Variants in DTNB observed in about 807,000 individuals in gnomAD.
The protein encoded by DTNB is DTN-B.
A neutral mutation model predicts 90.7 loss-of-function variants in DTNB; 63 were observed. That is an observed-to-expected ratio of 0.69 (90% CI 0.57 to 0.86). The LOEUF is 0.86. Among genes scored for constraint, DTNB ranks in the 40% least tolerant of loss-of-function variants. DTNB has a pLI of 0.00. For synonymous variants in DTNB, 277 were observed against 286.7 expected (o/e 0.97, Z 0.34); for missense variants, 744 against 807.1 (o/e 0.92, Z 0.95).
chr2:25,454,486 G>C (rs955496265), intron 11 of DTNB, among the ~76,000 whole-genome samples: 1 of 152,116 alleles, frequency 6.6e-6, no homozygotes, highest in Non-Finnish European at 1.5e-5. Flanking sequence ...CTCAAAGCAT[G>C]GCTTTCCAAG....
At chr2:25,513,411 T>C (rs143184574) in intron 9 of DTNB, among the ~76,000 whole-genome samples, 20 of 152,260 alleles carry the variant, frequency 1.3e-4, no homozygotes, top group African/African-American at 4.6e-4. Flanking sequence ...TTTGAATTAT[T>C]GGTCTAGCAC....
chr2:25,484,651 G>C lies in DTNB; in HGVS notation c.1002-1778C>G, dbSNP rs150849355. Reference sequence around the variant, plus strand: ...TCCGAGATGGAAAGTAATTTGCAGGGAACTGATTTTGGTCTCTTGATTTTT... The same window carrying C: ...TCCGAGATGGAAAGTAATTTGCAGGCAACTGATTTTGGTCTCTTGATTTTT... On this transcript the variant is annotated intron_variant, in intron 9 of 20. Coordinates refer to ENST00000406818, the MANE Select transcript of DTNB (RefSeq NM_021907.5). 1.9e-3 allele frequency among the ~76,000 whole-genome samples: 286 copies of C among 152,206 alleles called. 2 individuals are homozygous for C. Among genetic ancestry groups the C allele is most frequent in the African/African-American group, 6.5e-3 (272 of 41,542 alleles).
At chr2:25,470,807 A>G (rs965313035) in intron 10 of DTNB, among the ~76,000 whole-genome samples, 2 of 152,230 alleles carry the variant, frequency 1.3e-5, no homozygotes, top group Non-Finnish European at 2.9e-5. Context: ...CCATGGGGCA[A>G]GCAATGTTAC....
chr2:25,558,365 T>G, intron 8 of DTNB: 1 of 985,326 alleles, frequency 1.0e-6, no homozygotes, highest in Non-Finnish European at 1.2e-6. Flanking sequence ...TTCCCACACA[T>G]GGAAGCAGAA....
chr2:25,466,726 AT>A (rs1242591808), intron 10 of DTNB, among the ~76,000 whole-genome samples: 1 of 152,220 alleles, frequency 6.6e-6, no homozygotes, highest in African/African-American at 2.4e-5. Context: ...GTTCAGTGAC[AT>A]TTTCTTATGG....
rs780904077 is a variant in DTNB, at chr2:25,531,550, C to T, written c.924G>A (p.Gly308=). ...KLSHAISKSL[G]CVPTREPPHP... is the part of the protein sequence containing the mutation. Reference sequence around the variant, plus strand: ...GCGGGGGTTCTCTCGTGGGTACACACCCCAAAGATTTACTAATTGCATGGC... The same window carrying T: ...GCGGGGGTTCTCTCGTGGGTACACATCCCAAAGATTTACTAATTGCATGGC... The change falls in exon 9 of 21, where the codon GGG becomes GGA. Residue 308 remains glycine (G), a synonymous_variant. Transcript: ENST00000406818. The T allele has an allele frequency of 1.9e-6, 3 of 1,613,686 alleles. No individual in the cohort carries two copies. The highest frequency in any genetic ancestry group is 2.2e-5 in the East Asian group (1 of 44,876).
intron 8 of DTNB, among the ~76,000 whole-genome samples, chr2:25,540,336 T>C (rs1268640153): frequency 6.6e-6 from 1 of 152,224 alleles, no homozygotes; most frequent in Non-Finnish European, 1.5e-5. Flanking sequence ...AAGTTTCATA[T>C]TCTTCTCCAT....
At chr2:25,599,502 C>G (rs1415893874) in intron 5 of DTNB, among the ~76,000 whole-genome samples, 5 of 151,804 alleles carry the variant, frequency 3.3e-5, no homozygotes, top group Non-Finnish European at 5.9e-5. Context: ...CCACCATGCC[C>G]AGCTAATTTT....
chr2:25,621,643 G>T (rs1331974209), intron 4 of DTNB, among the ~76,000 whole-genome samples: 2 of 134,438 alleles, frequency 1.5e-5, no homozygotes, highest in South Asian at 2.4e-4. Flanking sequence ...TTTTAGTAGA[G>T]ATGGGGTTTC....
chr2:25,482,951 G>A (rs1312418490), intron 9 of DTNB, 78 bp from the exon 10 acceptor site: 3 of 1,396,184 alleles, frequency 2.1e-6, no homozygotes, highest in South Asian at 2.7e-5. Context: ...AGCATGGTAA[G>A]AGCAAAGGGA....
At chr2:25,648,238 T>C (rs959103749) in intron 2 of DTNB, among the ~76,000 whole-genome samples, 4 of 152,222 alleles carry the variant, frequency 2.6e-5, no homozygotes, top group Non-Finnish European at 5.9e-5. Context: ...TTTATTTCTA[T>C]GTAATATATT....
At position 25,388,342 on chromosome 2, in the gene DTNB, G is replaced by A. The variant is rs1458741491; in HGVS notation, c.1595C>T (p.Pro532Leu). ...GCCTCCATGGGTGGGCGATGTATGT[G>A]GTGACCCTGTGGCCTGAGCCTGGAG... The part of the protein sequence containing the change: ...QKQAAQATGS[P>L]HTSPTHGGGR... The change falls in exon 17 of 21, where the codon CCA becomes CTA. Residue 532 changes from proline to leucine, a missense_variant. By Grantham distance (98) the Pro-to-Leu change is moderately conservative (BLOSUM62 -3). Transcript: ENST00000406818. 1 of 1,610,780 alleles carries A rather than the reference G, an allele frequency of 6.2e-7. No homozygotes were observed. Among genetic ancestry groups the A allele is most frequent in the Admixed American group, 1.7e-5 (1 of 59,868 alleles).
intron 9 of DTNB, among the ~76,000 whole-genome samples, chr2:25,502,844 C>T (rs1459616412): frequency 2.0e-5 from 3 of 147,028 alleles, no homozygotes; most frequent in African/African-American, 7.6e-5. Flanking sequence ...TGAGATTGCA[C>T]CACTGCACTC....
At chr2:25,560,250 TAATAA>T (rs1174139598) in intron 8 of DTNB, among the ~76,000 whole-genome samples, 3 of 152,136 alleles carry the variant, frequency 2.0e-5, no homozygotes, top group East Asian at 1.9e-4. Flanking sequence ...CTCAAAGAAA[TAATAA>T]AATAAAATAA....
chr2:25,444,123 C>A (rs1037667040), intron 12 of DTNB, among the ~76,000 whole-genome samples: 2 of 152,100 alleles, frequency 1.3e-5, no homozygotes, highest in African/African-American at 4.8e-5. Context: ...GGAAAAAAAA[C>A]CCTTAAAGGT....
At chr2:25,430,857 A>G (rs2149932664) in intron 14 of DTNB, among the ~76,000 whole-genome samples, 1 of 152,342 alleles carries the variant, frequency 6.6e-6, no homozygotes, top group African/African-American at 2.4e-5. Context: ...TCGCACACAC[A>G]TTCGTCATAC....
At chr2:25,399,062 T>C (rs76509670) in intron 16 of DTNB, among the ~76,000 whole-genome samples, 1 of 152,190 alleles carries the variant, frequency 6.6e-6, no homozygotes, top group African/African-American at 2.4e-5. Context: ...GTGAATCTTT[T>C]CTTTTTTGAG....
chr2:25,635,648 AAT>A (rs2076967326), intron 3 of DTNB, among the ~76,000 whole-genome samples: 1 of 152,162 alleles, frequency 6.6e-6, no homozygotes, highest in Non-Finnish European at 1.5e-5. Context: ...GTAAAAGAGG[AAT>A]TTTACTGTGT....
chr2:25,475,696 G>A (rs901502056), intron 10 of DTNB, among the ~76,000 whole-genome samples: 4 of 152,228 alleles, frequency 2.6e-5, no homozygotes, highest in African/African-American at 9.6e-5. Flanking sequence ...AGCTTCAAAA[G>A]GACAGGCTGA....
Sources: gnomAD v4.1 joint callset for allele counts (sites outside exome capture counted in the v4.1 genomes callset) on GRCh38, gnomAD v4.1.1 for gene constraint, MANE v1.5 for transcripts, NCBI Gene and HGNC (gene_info 2026-07-23, HGNC 2026-07-21) for gene names.